The following DLG5 variants were observed in gnomAD, a reference collection of about 807,000 sequenced individuals.
DLG5 encodes discs large MAGUK scaffold protein 5.
Under a neutral mutation model 189.8 loss-of-function variants are expected in DLG5, and 48 were observed. That is an observed-to-expected ratio of 0.25 (90% confidence interval 0.20 to 0.32). DLG5 has a LOEUF of 0.32. Among genes scored for constraint, DLG5 ranks in the 10% least tolerant of loss-of-function variants. The probability of loss-of-function intolerance (pLI) is 1.00; values close to 1 mark genes in which losing one functional copy is unlikely to be tolerated. For missense variants in DLG5, 2,160 were observed against 2,544.7 expected (o/e 0.85, Z 3.25); for synonymous variants, 1,016 against 1,054.1 (o/e 0.96, Z 0.70).
chr10:77,830,434 G>T (rs1842844536), intron 10 of DLG5, 90 bp from the exon 11 acceptor site: 46 of 1,574,232 alleles, frequency 2.9e-5, no homozygotes, highest in Non-Finnish European at 3.9e-5. Flanking sequence ...ACTCCAATGT[G>T]GGGGACTGTC....
intron 2 of DLG5, among the ~76,000 whole-genome samples, chr10:77,860,831 A>G (rs1844443673): frequency 6.6e-6 from 1 of 152,202 alleles, no homozygotes; most frequent in Admixed American, 6.5e-5. Flanking sequence ...GGACCTCTGT[A>G]CTTATCTGGC....
At chr10:77,921,444 A>T (rs990046573) in intron 1 of DLG5, among the ~76,000 whole-genome samples, 1 of 151,950 alleles carries the variant, frequency 6.6e-6, no homozygotes, top group Non-Finnish European at 1.5e-5. Flanking sequence ...TCCCTTGGGG[A>T]AAAAAAACAA....
chr10:77,874,498 G>A (rs1486673315), intron 1 of DLG5, among the ~76,000 whole-genome samples: 1 of 152,220 alleles, frequency 6.6e-6, no homozygotes, highest in African/African-American at 2.4e-5. Context: ...GACCTCATGT[G>A]ATGGGCCAGT....
At chr10:77,840,099 T>C (rs552322909) in intron 7 of DLG5, among the ~76,000 whole-genome samples, 10 of 152,338 alleles carry the variant, frequency 6.6e-5, no homozygotes, top group Non-Finnish European at 1.5e-4. Context: ...TAAGGCTGGC[T>C]GGGTGCAGGG....
intron 20 of DLG5, among the ~76,000 whole-genome samples, chr10:77,812,605 A>G (rs1233272303): frequency 6.6e-6 from 1 of 152,174 alleles, no homozygotes; most frequent in East Asian, 1.9e-4. Flanking sequence ...CAGACACGCA[A>G]CCACCCAGGC....
intron 2 of DLG5, among the ~76,000 whole-genome samples, chr10:77,862,026 C>T (rs574616778): frequency 3.3e-5 from 5 of 152,318 alleles, no homozygotes; most frequent in South Asian, 2.1e-4. Flanking sequence ...AGATGTGCTA[C>T]GCCCAGAAGT....
intron 9 of DLG5, among the ~76,000 whole-genome samples, chr10:77,831,465 C>T (rs951967240): frequency 2.0e-5 from 3 of 151,894 alleles, no homozygotes; most frequent in Admixed American, 6.6e-5. Flanking sequence ...TAGATATAGA[C>T]GGCTATTCTA....
At chr10:77,907,422 T>C (rs931127606) in intron 1 of DLG5, among the ~76,000 whole-genome samples, 3 of 152,014 alleles carry the variant, frequency 2.0e-5, no homozygotes, top group South Asian at 2.1e-4. Context: ...CTATAAAAAA[T>C]ACAAAAAGTA....
chr10:77,832,973 G>C (rs1310107650), intron 9 of DLG5, among the ~76,000 whole-genome samples: 1 of 152,120 alleles, frequency 6.6e-6, no homozygotes, highest in Non-Finnish European at 1.5e-5. Context: ...TGGGAAAGAA[G>C]AGAAGCTGTC....
intron 1 of DLG5, among the ~76,000 whole-genome samples, chr10:77,873,457 C>T (rs1405282612): frequency 1.3e-5 from 2 of 152,158 alleles, no homozygotes; most frequent in Non-Finnish European, 2.9e-5. Context: ...CGGGCACTGT[C>T]TGTGTCCTTT....
At chr10:77,928,841 A>G (rs1472953601), upstream of DLG5, 3 of 152,212 alleles carry the variant, frequency 2.0e-5, no homozygotes, top group African/African-American at 7.2e-5. Flanking sequence ...AGCCTGGCCA[A>G]CGTGGTAAAA....
chr10:77,798,527 G>A (rs187859619), intron 27 of DLG5, among the ~76,000 whole-genome samples: 7 of 152,308 alleles, frequency 4.6e-5, no homozygotes, highest in Non-Finnish European at 8.8e-5. Flanking sequence ...TTATGAGCTG[G>A]AAGTGTATCC....
At chr10:77,903,299 G>T (rs758707399) in intron 1 of DLG5, among the ~76,000 whole-genome samples, 1 of 152,070 alleles carries the variant, frequency 6.6e-6, no homozygotes, top group East Asian at 1.9e-4. Flanking sequence ...GTGGTGGCAC[G>T]TGCCTGTAGT....
chr10:77,857,001 G>A (rs1844268646), intron 2 of DLG5, 109 bp from the exon 3 acceptor site: 2 of 1,057,852 alleles, frequency 1.9e-6, no homozygotes, highest in Non-Finnish European at 2.7e-6. Context: ...CCCAACAAGT[G>A]GGTCCTCTTA....
intron 1 of DLG5, among the ~76,000 whole-genome samples, chr10:77,917,375 G>T (rs1008597940): frequency 6.6e-6 from 1 of 151,898 alleles, no homozygotes; most frequent in Non-Finnish European, 1.5e-5. Context: ...AAGGAGCTGG[G>T]TGTGGTGGCA....
intron 1 of DLG5, among the ~76,000 whole-genome samples, chr10:77,904,621 T>A (rs1846021368): frequency 1.3e-5 from 2 of 151,958 alleles, no homozygotes; most frequent in African/African-American, 4.8e-5. Flanking sequence ...GGAGATCTGA[T>A]GGGTTTATCA....
chr10:77,833,782 G>A, intron 9 of DLG5, 132 bp downstream of exon 9: 2 of 1,317,432 alleles, frequency 1.5e-6, no homozygotes, highest in East Asian at 2.3e-5. Context: ...TGAAGTGAAG[G>A]GACAAACAGC....
At chr10:77,851,564 A>C (rs1843977205) in intron 5 of DLG5, among the ~76,000 whole-genome samples, 1 of 152,144 alleles carries the variant, frequency 6.6e-6, no homozygotes, top group African/African-American at 2.4e-5. Context: ...TGGGCTAAAT[A>C]CCAACTTTTG....
chr10:77,824,334 G>A (rs757766136), intron 14 of DLG5, 50 bp downstream of exon 14: 16 of 1,407,138 alleles, frequency 1.1e-5, no homozygotes, highest in Non-Finnish European at 1.6e-5. Flanking sequence ...TGGAGCCGGG[G>A]CTCTGCCCAT....
Sources: gnomAD v4.1 joint callset for allele counts (sites outside exome capture counted in the v4.1 genomes callset) on GRCh38, gnomAD v4.1.1 for gene constraint, MANE v1.5 for transcripts, NCBI Gene and HGNC (gene_info 2026-07-23, HGNC 2026-07-21) for gene names.